Variants in OPRM1 observed in about 807,000 individuals in gnomAD.
OPRM1 encodes the protein opioid receptor mu 1.
OPRM1 carries 27 observed loss-of-function variants against 31.8 expected under a neutral mutation model. The ratio of observed to expected loss-of-function variants is 0.85; its 90% CI spans 0.63 to 1.17. OPRM1 has a LOEUF of 1.17. Ranked by LOEUF, OPRM1 falls within the 50% of genes most tolerant of loss-of-function variation. The probability of loss-of-function intolerance (pLI) is 0.00; values close to 1 mark genes in which losing one functional copy is unlikely to be tolerated. For synonymous variants in OPRM1, 196 were observed against 189.9 expected, an observed-to-expected ratio of 1.03 and a Z score of -0.26; for missense variants, 536 against 511.1, an observed-to-expected ratio of 1.05 and a Z score of -0.47.
intron 3 of OPRM1, among the ~76,000 whole-genome samples, chr6:154,167,418 G>A (rs1239268933): frequency 6.6e-6 from 1 of 152,190 alleles, no homozygotes; most frequent in Non-Finnish European, 1.5e-5. Context: ...CTTGGCTGCA[G>A]TGCCCACAGC....
At chr6:154,106,345 T>G (rs534667668) in intron 3 of OPRM1, among the ~76,000 whole-genome samples, 15 of 152,232 alleles carry the variant, frequency 9.9e-5, no homozygotes, top group Non-Finnish European at 1.9e-4. Flanking sequence ...TTTAGTTGTG[T>G]GCTAGGTGTG....
upstream of OPRM1, among the ~76,000 whole-genome samples, chr6:154,037,538 C>T (rs1779384801): frequency 6.6e-6 from 1 of 151,998 alleles, no homozygotes; most frequent in Admixed American, 6.6e-5. Flanking sequence ...AGATGAACAG[C>T]AAGGCCACTG....
intron 3 of OPRM1, among the ~76,000 whole-genome samples, chr6:154,102,918 C>CAAAAAAAAAAAAAA: frequency 1.2e-5 from 1 of 80,798 alleles, no homozygotes; most frequent in Non-Finnish European, 2.9e-5. Flanking sequence ...TAACCAGTTG[C>CAAAAAAAAAAAAAA]AAAAAAAAAA....
chr6:154,225,990 C>A (rs1042893663), intron 3 of OPRM1, among the ~76,000 whole-genome samples: 7 of 152,214 alleles, frequency 4.6e-5, no homozygotes, highest in African/African-American at 1.7e-4. Flanking sequence ...CCCTCTGGAG[C>A]CACCCTGATG....
intron 1 of OPRM1, among the ~76,000 whole-genome samples, chr6:154,045,701 G>A (rs933922798): frequency 6.6e-6 from 1 of 152,164 alleles, no homozygotes; most frequent in Non-Finnish European, 1.5e-5. Context: ...ACTTCACCTT[G>A]GCTGCATCTA....
At chr6:154,022,903 G>T (rs949885352) in intron 1 of OPRM1, among the ~76,000 whole-genome samples, 2 of 152,136 alleles carry the variant, frequency 1.3e-5, no homozygotes, top group African/African-American at 4.8e-5. Flanking sequence ...CTGTTCCACT[G>T]GTCTATGTGT....
intron 3 of OPRM1, chr6:154,158,988 T>G (rs1798824133): frequency 6.6e-6 from 1 of 152,182 alleles, no homozygotes; most frequent in African/African-American, 2.4e-5. Flanking sequence ...CTGGGAAACC[T>G]GGATATAAAT....
chr6:154,042,527 C>T (rs764176758), intron 1 of OPRM1, among the ~76,000 whole-genome samples: 2 of 152,148 alleles, frequency 1.3e-5, no homozygotes, highest in Admixed American at 1.3e-4. Flanking sequence ...TCATGAGGCT[C>T]AGATGACTAT....
Position 154,094,561 on chromosome 6 carries a change from G to C in OPRM1, c.1164+3089G>C, listed in dbSNP as rs1793023447. Among the ~76,000 whole-genome samples the C allele has an allele frequency of 5.9e-5, 9 of 152,294 alleles. No individual in the cohort carries two copies. The South Asian group carries it at 1.7e-3, about 28-fold the overall frequency. ...GAGGGCAGCTGCCCGATGGGCGGGT[G>C]GTCAGCTAGCTGATCTACATGGCCT... On this transcript the variant is annotated intron_variant, in intron 3 of 3. Transcript: ENST00000330432.
At chr6:154,021,288 G>A (rs1217772201) in intron 1 of OPRM1, among the ~76,000 whole-genome samples, 2 of 152,060 alleles carry the variant, frequency 1.3e-5, no homozygotes, top group African/African-American at 4.8e-5. Flanking sequence ...ATCTATACCT[G>A]TGCTCTCTGT....
At chr6:154,142,896 C>T (rs1332199841) in intron 3 of OPRM1, among the ~76,000 whole-genome samples, 3 of 152,178 alleles carry the variant, frequency 2.0e-5, no homozygotes, top group African/African-American at 7.2e-5. Flanking sequence ...TTCTCTAATG[C>T]AGCCTCATCT....
chr6:154,151,512 C>T (rs571465505), intron 3 of OPRM1, among the ~76,000 whole-genome samples: 1 of 152,232 alleles, frequency 6.6e-6, no homozygotes, highest in African/African-American at 2.4e-5. Context: ...ACCTGAGTGG[C>T]TTTCATGTAG....
chr6:154,245,918 G>C (rs1482236810), intron 3 of OPRM1, among the ~76,000 whole-genome samples: 1 of 152,172 alleles, frequency 6.6e-6, no homozygotes, highest in African/African-American at 2.4e-5. Flanking sequence ...AAGAAAACTA[G>C]CCTGGGATGC....
chr6:154,172,281 G>T (rs1239943662), intron 3 of OPRM1, among the ~76,000 whole-genome samples: 1 of 152,194 alleles, frequency 6.6e-6, no homozygotes, highest in Non-Finnish European at 1.5e-5. Flanking sequence ...ATCTCATTGG[G>T]ACTGGTTGGA....
At chr6:154,215,449 A>T (rs113902049) in intron 3 of OPRM1, among the ~76,000 whole-genome samples, 11 of 152,242 alleles carry the variant, frequency 7.2e-5, no homozygotes, top group African/African-American at 2.6e-4. Flanking sequence ...ACTTAAAAAA[A>T]TACAAAATTA....
chr6:154,042,307 C>T (rs1404670427), intron 1 of OPRM1, among the ~76,000 whole-genome samples: 2 of 152,060 alleles, frequency 1.3e-5, no homozygotes, highest in Admixed American at 6.5e-5. Flanking sequence ...CTCCAGGCTG[C>T]GGTGTTTAAA....
intron 1 of OPRM1, among the ~76,000 whole-genome samples, chr6:154,085,101 T>G (rs918496866): frequency 6.6e-6 from 1 of 152,210 alleles, no homozygotes; most frequent in Non-Finnish European, 1.5e-5. Flanking sequence ...GGTAATTTAT[T>G]TAGTCTGGCT....
At chr6:154,238,788 C>T (rs1259311866) in intron 3 of OPRM1, among the ~76,000 whole-genome samples, 3 of 151,990 alleles carry the variant, frequency 2.0e-5, no homozygotes, top group Non-Finnish European at 4.4e-5. Context: ...TCAAGTGATC[C>T]TCCCATCTCA....
chr6:154,160,431 C>T (rs912698142), intron 3 of OPRM1, among the ~76,000 whole-genome samples: 1 of 152,118 alleles, frequency 6.6e-6, no homozygotes, highest in Non-Finnish European at 1.5e-5. Context: ...AAAATTGGAA[C>T]GTAACACTTT....
Sources: gnomAD v4.1 joint callset for allele counts (sites outside exome capture counted in the v4.1 genomes callset) on GRCh38, gnomAD v4.1.1 for gene constraint, MANE v1.5 for transcripts, NCBI Gene and HGNC (gene_info 2026-07-23, HGNC 2026-07-21) for gene names.